Variants in MFAP3L observed in about 807,000 individuals in gnomAD.
MFAP3L encodes the protein microfibrillar-associated protein 3-like.
MFAP3L carries 5 observed loss-of-function variants against 20.0 expected under a neutral mutation model. The ratio of observed to expected loss-of-function variants is 0.25; its 90% CI spans 0.13 to 0.53. The LOEUF (loss-of-function observed/expected upper bound fraction) is 0.53, where lower values mean the gene tolerates loss of function less well. Ranked by LOEUF, MFAP3L falls within the 20% of genes least tolerant of loss-of-function variation. The pLI is 0.96. For missense variants in MFAP3L, 409 were observed against 527.5 expected (o/e 0.78, Z 2.20); for synonymous variants, 219 against 213.0 (o/e 1.03, Z -0.25).
intron 2 of MFAP3L, among the ~76,000 whole-genome samples, chr4:170,003,222 T>C (rs1048493958): frequency 2.6e-5 from 4 of 152,212 alleles, no homozygotes; most frequent in African/African-American, 9.6e-5. Flanking sequence ...AGATTTAAAA[T>C]AGCTAACTGA....
intron 1 of MFAP3L, among the ~76,000 whole-genome samples, chr4:170,010,255 T>C (rs1449950309): frequency 6.6e-6 from 1 of 152,190 alleles, no homozygotes; most frequent in Admixed American, 6.6e-5. Context: ...ATTCAAAATA[T>C]CCACGTCTTT....
intron 1 of MFAP3L, among the ~76,000 whole-genome samples, chr4:170,020,169 A>C (rs1197093017): frequency 2.0e-5 from 3 of 152,134 alleles, no homozygotes; most frequent in Non-Finnish European, 2.9e-5. Flanking sequence ...TGCCTTTGGT[A>C]GGAAGACCCC....
intron 2 of MFAP3L, among the ~76,000 whole-genome samples, chr4:169,996,462 GAC>G (rs1738174092): frequency 6.6e-6 from 1 of 152,150 alleles, no homozygotes; most frequent in African/African-American, 2.4e-5. Context: ...CAGACTCCGA[GAC>G]ACAACCACAG....
chr4:169,993,905 G>C (rs1737934249), intron 2 of MFAP3L: 1 of 153,142 alleles, frequency 6.5e-6, no homozygotes, highest in Admixed American at 6.5e-5. Context: ...TACTCGGTCT[G>C]TGAAATTCTC....
At chr4:170,006,784 T>G (rs1488971258) in intron 1 of MFAP3L, 1 of 152,248 alleles carries the variant, frequency 6.6e-6, no homozygotes, top group Non-Finnish European at 1.5e-5. Context: ...GGCATTCTCC[T>G]AACTACCCAT....
intron 1 of MFAP3L, among the ~76,000 whole-genome samples, chr4:170,021,756 G>C (rs372704596): frequency 6.6e-6 from 1 of 152,174 alleles, no homozygotes; most frequent in Admixed American, 6.5e-5. Context: ...GTACATAAGA[G>C]AGACTAAATG....
intron 1 of MFAP3L, among the ~76,000 whole-genome samples, chr4:170,020,729 G>A (rs901794806): frequency 1.3e-4 from 20 of 150,514 alleles, no homozygotes; most frequent in Admixed American, 1.0e-3. Context: ...AGTTCCCCAC[G>A]GCACCACCTC....
rs966423529 is a variant in MFAP3L at position 169,987,088 on chromosome 4, G to C, written c.*4290C>G. The C allele has an allele frequency of 6.6e-6, 1 of 151,974 alleles. No individual in the cohort carries two copies. The highest frequency in any genetic ancestry group is 2.4e-5 in the African/African-American group (1 of 41,362). 9.4% of individuals were successfully genotyped at this position (151,974 alleles called of 1,614,324 possible). On this transcript the variant is annotated 3_prime_UTR_variant, in exon 3 of 3. Transcript: ENST00000361618. ...ATTATCATCCTCATATGATATCTTC[G>C]TGAATAAAAGATAAATGCTCAGTCC...
At chr4:170,002,985 T>C (rs1738772725) in intron 2 of MFAP3L, among the ~76,000 whole-genome samples, 2 of 152,130 alleles carry the variant, frequency 1.3e-5, no homozygotes, top group South Asian at 4.1e-4. Flanking sequence ...AGACTGTGGG[T>C]TTACCAATAG....
chr4:170,021,990 C>G (rs144943377), intron 1 of MFAP3L, among the ~76,000 whole-genome samples: 32 of 152,272 alleles, frequency 2.1e-4, no homozygotes, highest in African/African-American at 7.5e-4. Context: ...CATGTGAAAT[C>G]TCATCATTCT....
intron 1 of MFAP3L, among the ~76,000 whole-genome samples, chr4:170,016,425 A>T (rs1232168450): frequency 6.6e-6 from 1 of 152,232 alleles, no homozygotes; most frequent in South Asian, 2.1e-4. Flanking sequence ...GATACCTGGA[A>T]CATTTCCTTT....
chr4:170,023,580 T>A (rs1330987846), intron 1 of MFAP3L, among the ~76,000 whole-genome samples: 1 of 152,232 alleles, frequency 6.6e-6, no homozygotes, highest in African/African-American at 2.4e-5. Flanking sequence ...CAATGTGATA[T>A]GCCATAGATT....
chr4:169,997,488 G>GA (rs1222231938), intron 2 of MFAP3L, among the ~76,000 whole-genome samples: 1 of 151,880 alleles, frequency 6.6e-6, no homozygotes, highest in East Asian at 1.9e-4. Flanking sequence ...AAACCCAAAA[G>GA]AAAAAATGGG....
chr4:169,995,177 A>C (rs1446721839), intron 2 of MFAP3L: 6 of 152,240 alleles, frequency 3.9e-5, no homozygotes, highest in Non-Finnish European at 8.8e-5. Context: ...GAGATATGAT[A>C]AAATGAGTAT....
At chr4:170,018,912 G>A (rs976368888) in intron 1 of MFAP3L, among the ~76,000 whole-genome samples, 4 of 152,176 alleles carry the variant, frequency 2.6e-5, no homozygotes, top group African/African-American at 7.2e-5. Context: ...TAGCTTTAGC[G>A]GTAAGCAGCA....
In MFAP3L at chr4:169,991,602, C is replaced by T; in HGVS notation, c.1006G>A (p.Gly336Arg). Reference protein sequence around the residue: ...KKEHADDQEGGQFEVKDVEET... With the variant: ...KKEHADDQEGRQFEVKDVEET... Reference sequence around the variant, plus strand: ...TCTACATCTTTGACTTCAAACTGTCCACCCTCTTGGTCATCTGCATGCTCT... The same window carrying T: ...TCTACATCTTTGACTTCAAACTGTCTACCCTCTTGGTCATCTGCATGCTCT... The change falls in exon 3 of 3, where the codon GGA becomes AGA. Residue 336 changes from glycine to arginine, a missense_variant. Gly to Arg is a moderately radical substitution (Grantham distance 125, BLOSUM62 -2). This residue lies in a region of MFAP3L where 169 missense variants were observed against 178.2 expected (regional missense o/e 0.95). Transcript: ENST00000361618. The surrounding 1 kb of genome is among the most constrained non-coding windows in gnomAD (Gnocchi z 4.9). The T allele has an allele frequency of 1.9e-6, 3 of 1,614,156 alleles. No homozygotes were observed. Among genetic ancestry groups the T allele is most frequent in the South Asian group, 2.2e-5 (2 of 91,076 alleles).
chr4:170,007,101 C>CA (rs1739087027), intron 1 of MFAP3L: 1 of 152,202 alleles, frequency 6.6e-6, no homozygotes, highest in Admixed American at 6.5e-5. Flanking sequence ...CCTACAACAA[C>CA]ACTGAAGGGG....
At chr4:169,993,675 C>T (rs993883375) in intron 2 of MFAP3L, 1 of 151,564 alleles carries the variant, frequency 6.6e-6, no homozygotes, top group African/African-American at 2.4e-5. Context: ...ACAGTTCCTC[C>T]TGCCCACTGG....
chr4:169,995,203 A>C (rs143739167), intron 2 of MFAP3L: 22 of 152,332 alleles, frequency 1.4e-4, no homozygotes, highest in Non-Finnish European at 1.0e-4. Flanking sequence ...CTGGATTAAA[A>C]CATACTATTA....
Sources: gnomAD v4.1 joint callset for allele counts (sites outside exome capture counted in the v4.1 genomes callset) on GRCh38, gnomAD v4.1.1 for gene constraint, gnomAD v4.1.1 regional missense constraint, Gnocchi (gnomAD v3.1) non-coding constraint, MANE v1.5 for transcripts, NCBI Gene and HGNC (gene_info 2026-07-23, HGNC 2026-07-21) for gene names.